The following ADGRL3 variants were observed in gnomAD, a reference collection of about 807,000 sequenced individuals.
ADGRL3 encodes the protein adhesion G protein-coupled receptor L3.
Under a neutral mutation model 153.5 loss-of-function variants are expected in ADGRL3, and 62 were observed. The ratio of observed to expected loss-of-function variants is 0.40; its 90% CI spans 0.33 to 0.50. The LOEUF (loss-of-function observed/expected upper bound fraction) is 0.50. Among genes scored for constraint, ADGRL3 ranks in the 20% least tolerant of loss-of-function variants. ADGRL3 has a pLI of 0.47. For synonymous variants in ADGRL3, 710 were observed against 672.5 expected (o/e 1.06, Z -0.86); for missense variants, 1,641 against 1,859.4 (o/e 0.88, Z 2.16).
At chr4:61,238,028 T>A (rs1262283511) in intron 1 of ADGRL3, among the ~76,000 whole-genome samples, 1 of 152,162 alleles carries the variant, frequency 6.6e-6, no homozygotes, top group Non-Finnish European at 1.5e-5. Flanking sequence ...TTCAGCTGAT[T>A]GATTTTGAAT....
At chr4:61,810,423 A>C (rs571965824) in intron 8 of ADGRL3, among the ~76,000 whole-genome samples, 18 of 152,290 alleles carry the variant, frequency 1.2e-4, no homozygotes, top group African/African-American at 4.1e-4. Context: ...AAGCTATCAA[A>C]TGTCTTTCTC....
chr4:61,903,273 A>G (rs1414420039), intron 11 of ADGRL3, among the ~76,000 whole-genome samples: 1 of 151,988 alleles, frequency 6.6e-6, no homozygotes, highest in African/African-American at 2.4e-5. Context: ...CTTACCTTTC[A>G]AGGTTTCACT....
chr4:61,972,993 A>AT (rs1182717559), intron 17 of ADGRL3, among the ~76,000 whole-genome samples: 1 of 151,932 alleles, frequency 6.6e-6, no homozygotes, highest in African/African-American at 2.4e-5. Flanking sequence ...CTCTAAAATT[A>AT]TTTTTTTCAA....
chr4:61,451,731 C>T (rs2152522661), intron 2 of ADGRL3, among the ~76,000 whole-genome samples: 1 of 152,238 alleles, frequency 6.6e-6, no homozygotes, highest in Non-Finnish European at 1.5e-5. Context: ...TCTGTGTATG[C>T]ATACATATGT....
intron 9 of ADGRL3, among the ~76,000 whole-genome samples, chr4:61,838,652 CTATTA>C (rs1351852067): frequency 2.0e-5 from 3 of 152,090 alleles, no homozygotes; most frequent in South Asian, 2.1e-4. Flanking sequence ...ATAACCAACT[CTATTA>C]TATTAAGTTA....
intron 13 of ADGRL3, among the ~76,000 whole-genome samples, chr4:61,914,939 G>A (rs1046927127): frequency 6.6e-6 from 1 of 151,914 alleles, no homozygotes; most frequent in Non-Finnish European, 1.5e-5. Flanking sequence ...TTTAATCTCA[G>A]CATTGTTTTG....
At chr4:61,362,968 G>A (rs750821865) in intron 1 of ADGRL3, among the ~76,000 whole-genome samples, 11 of 151,966 alleles carry the variant, frequency 7.2e-5, no homozygotes, top group East Asian at 1.9e-4. Context: ...AAATCTCATC[G>A]TCCTATATTT....
intron 5 of ADGRL3, among the ~76,000 whole-genome samples, chr4:61,595,388 C>A (rs570763085): frequency 6.6e-6 from 1 of 152,150 alleles, no homozygotes; most frequent in Admixed American, 6.5e-5. Context: ...ATAAGTCCTT[C>A]CAGGACTGGG....
chr4:62,012,319 C>T (rs1407392250), intron 21 of ADGRL3, among the ~76,000 whole-genome samples: 2 of 152,146 alleles, frequency 1.3e-5, no homozygotes, highest in African/African-American at 4.8e-5. Context: ...TAAACATCAA[C>T]TTGAATTTTA....
intron 5 of ADGRL3, among the ~76,000 whole-genome samples, chr4:61,627,104 A>G (rs767252688): frequency 5.3e-5 from 8 of 152,108 alleles, no homozygotes; most frequent in Non-Finnish European, 1.2e-4. Flanking sequence ...CCTCTGATTA[A>G]TATTTTTATT....
rs899795548 is a variant in ADGRL3 at position 61,637,777 on chromosome 4, G to A, written c.474-39049G>A. 9.2e-5 allele frequency among the ~76,000 whole-genome samples: 14 copies of A among 151,890 alleles called. 1 individual carries two copies. Among genetic ancestry groups the A allele is most frequent in the East Asian group, 3.9e-4 (2 of 5,136 alleles). Reference sequence around the variant, plus strand: ...CTCTGTTCCCCCACCCCCCAAAAACGTCAATAGGAAAGATAAAATGGAATA... The same window carrying A: ...CTCTGTTCCCCCACCCCCCAAAAACATCAATAGGAAAGATAAAATGGAATA... On this transcript the variant is annotated intron_variant, in intron 5 of 26. Coordinates refer to ENST00000683033, the MANE Select transcript of ADGRL3 (RefSeq NM_001387552.1).
Position 61,909,761 on chromosome 4 carries a change from A to ATGTATG in ADGRL3, c.2073+19_2073+20insATGTGT, listed in dbSNP as rs771690107. On this transcript the variant is annotated intron_variant, in intron 12 of 26. Transcript: ENST00000683033. ...TTTGAACAAGGTAAGGACCCTAATT[A>ATGTATG]TGTGTGTGTGTGTGTGTGTGTGTGT... 6.7e-6 allele frequency: 8 copies of ATGTATG among 1,196,328 alleles called. 1 individual carries two copies. Among genetic ancestry groups the ATGTATG allele is most frequent in the East Asian group, 2.9e-5 (1 of 34,866 alleles). 74.1% of individuals were successfully genotyped at this position (1,196,328 alleles called of 1,614,324 possible). A position where few individuals can be genotyped will look rare whatever the true frequency, so the allele number is the denominator to read the frequency against.
intron 8 of ADGRL3, among the ~76,000 whole-genome samples, chr4:61,768,385 A>T (rs1169653898): frequency 6.6e-6 from 1 of 151,646 alleles, no homozygotes; most frequent in African/African-American, 2.4e-5. Flanking sequence ...GATTAGAAAG[A>T]CTCAGCGACG....
chr4:61,740,127 T>A (rs984252442), intron 8 of ADGRL3, among the ~76,000 whole-genome samples: 2 of 152,238 alleles, frequency 1.3e-5, no homozygotes, highest in Non-Finnish European at 2.9e-5. Context: ...CCTCTGTTTT[T>A]TCTGGGCAGA....
At chr4:61,375,854 G>A (rs2096596730) in intron 1 of ADGRL3, among the ~76,000 whole-genome samples, 1 of 152,138 alleles carries the variant, frequency 6.6e-6, no homozygotes, top group Non-Finnish European at 1.5e-5. Flanking sequence ...TTAATTGCAG[G>A]TATATATTGA....
At chr4:61,646,009 T>G (rs2093961521) in intron 5 of ADGRL3, among the ~76,000 whole-genome samples, 1 of 152,324 alleles carries the variant, frequency 6.6e-6, no homozygotes, top group South Asian at 2.1e-4. Context: ...TTCTCTAAAC[T>G]TCCCTTCTCG....
intron 9 of ADGRL3, among the ~76,000 whole-genome samples, chr4:61,823,044 A>G (rs1265151238): frequency 6.6e-6 from 1 of 152,160 alleles, no homozygotes; most frequent in Non-Finnish European, 1.5e-5. Flanking sequence ...AGTCACCGGG[A>G]TTAGTATGTC....
chr4:61,215,091 C>T (rs1457991291), intron 1 of ADGRL3, among the ~76,000 whole-genome samples: 1 of 152,268 alleles, frequency 6.6e-6, no homozygotes, highest in East Asian at 1.9e-4. Flanking sequence ...GTAGTTCATT[C>T]TTTGTTCTGA....
chr4:61,656,888 A>G (rs771327332), intron 5 of ADGRL3, among the ~76,000 whole-genome samples: 1 of 151,950 alleles, frequency 6.6e-6, no homozygotes, highest in Non-Finnish European at 1.5e-5. Context: ...CTCTGTTGCT[A>G]TTTTCTCTCT....
Sources: allele counts gnomAD v4.1 joint callset (sites outside exome capture counted in the v4.1 genomes callset), GRCh38; gene constraint gnomAD v4.1.1; transcripts MANE v1.5; gene names NCBI Gene and HGNC (gene_info 2026-07-23, HGNC 2026-07-21).